LHFPL3: variants seen among roughly 807,000 people sequenced by gnomAD.
LHFPL3 encodes LHFPL tetraspan subfamily member 3 protein.
Under a neutral mutation model 19.3 loss-of-function variants are expected in LHFPL3, and 5 were observed. The observed-to-expected ratio is 0.26, with a 90% CI of 0.14 to 0.54. The LOEUF (loss-of-function observed/expected upper bound fraction) is 0.54, where lower values mean the gene tolerates loss of function less well. Ranked by LOEUF, LHFPL3 falls within the 20% of genes least tolerant of loss-of-function variation. LHFPL3 has a pLI of 0.94. For synonymous variants in LHFPL3, 133 were observed against 126.2 expected (o/e 1.05, Z -0.36); for missense variants, 249 against 307.4 (o/e 0.81, Z 1.42).
intron 1 of LHFPL3, among the ~76,000 whole-genome samples, chr7:104,703,720 G>A (rs924013851): frequency 6.6e-6 from 1 of 152,112 alleles, no homozygotes; most frequent in Admixed American, 6.5e-5. Flanking sequence ...TACTTGTTGT[G>A]ATAACTAATA....
chr7:104,859,440 A>T (rs1219523495), intron 2 of LHFPL3, among the ~76,000 whole-genome samples: 1 of 152,096 alleles, frequency 6.6e-6, no homozygotes, highest in Non-Finnish European at 1.5e-5. Flanking sequence ...AGGCTGAGGC[A>T]GGCGGATCAC....
chr7:104,566,867 C>G (rs1428983518), intron 1 of LHFPL3, among the ~76,000 whole-genome samples: 1 of 152,204 alleles, frequency 6.6e-6, no homozygotes, highest in Non-Finnish European at 1.5e-5. Flanking sequence ...AATCTAGGTT[C>G]ATGAGGTACT....
chr7:104,662,230 C>G (rs1441675543), intron 1 of LHFPL3, among the ~76,000 whole-genome samples: 1 of 152,184 alleles, frequency 6.6e-6, no homozygotes, highest in Non-Finnish European at 1.5e-5. Context: ...ATTAATAACT[C>G]TGAGACAAAA....
intron 1 of LHFPL3, among the ~76,000 whole-genome samples, chr7:104,477,660 AC>A (rs1793049501): frequency 6.6e-6 from 1 of 152,220 alleles, no homozygotes; most frequent in Admixed American, 6.5e-5. Context: ...TAGGTATAAT[AC>A]CTGGGTGATG....
chr7:104,842,662 T>C (rs1379234667), intron 2 of LHFPL3, among the ~76,000 whole-genome samples: 1 of 152,246 alleles, frequency 6.6e-6, no homozygotes, highest in Non-Finnish European at 1.5e-5. Context: ...CAAATGCAAG[T>C]TGATAATGCC....
intron 1 of LHFPL3, among the ~76,000 whole-genome samples, chr7:104,398,758 C>T (rs191139297): frequency 2.6e-5 from 4 of 152,266 alleles, no homozygotes; most frequent in Admixed American, 2.0e-4. Context: ...GGACAGCTGC[C>T]GTATCCCGTT....
chr7:104,633,971 C>T (rs943634450), intron 1 of LHFPL3, among the ~76,000 whole-genome samples: 3 of 152,152 alleles, frequency 2.0e-5, no homozygotes, highest in African/African-American at 7.2e-5. Flanking sequence ...TCTTTGGTAG[C>T]GTCAACCACC....
At chr7:104,341,052 C>T (rs950440235) in intron 1 of LHFPL3, among the ~76,000 whole-genome samples, 2 of 152,134 alleles carry the variant, frequency 1.3e-5, no homozygotes, top group African/African-American at 2.4e-5. Context: ...TCACAGTTAT[C>T]GAAAGCAAAA....
At chr7:104,552,261 A>G (rs1794675016) in intron 1 of LHFPL3, among the ~76,000 whole-genome samples, 1 of 152,232 alleles carries the variant, frequency 6.6e-6, no homozygotes, top group Non-Finnish European at 1.5e-5. Context: ...AAACACTGGT[A>G]GCAAGACCAA....
At chr7:104,366,102 G>C (rs140852994) in intron 1 of LHFPL3, among the ~76,000 whole-genome samples, 4 of 152,320 alleles carry the variant, frequency 2.6e-5, no homozygotes, top group African/African-American at 9.6e-5. Context: ...AGAAGAGTTT[G>C]AAGTTTCCTG....
At chr7:104,899,882 C>T (rs373430549) in intron 2 of LHFPL3, among the ~76,000 whole-genome samples, 2 of 152,272 alleles carry the variant, frequency 1.3e-5, no homozygotes, top group African/African-American at 4.8e-5. Flanking sequence ...CAAGCACCTG[C>T]CACCATACCT....
At chr7:104,792,747 C>G (rs1399014262) in intron 2 of LHFPL3, among the ~76,000 whole-genome samples, 1 of 152,188 alleles carries the variant, frequency 6.6e-6, no homozygotes, top group Non-Finnish European at 1.5e-5. Flanking sequence ...AAACTCAATT[C>G]TGCATCTACT....
chr7:104,594,773 T>G (rs562730061), intron 1 of LHFPL3, among the ~76,000 whole-genome samples: 1 of 152,332 alleles, frequency 6.6e-6, no homozygotes, highest in African/African-American at 2.4e-5. Context: ...TTTACTTGTT[T>G]TATTTCATTA....
chr7:104,896,538 A>AGATGAAAT (rs1348044003), intron 2 of LHFPL3, among the ~76,000 whole-genome samples: 4 of 152,220 alleles, frequency 2.6e-5, no homozygotes, highest in African/African-American at 7.2e-5. Context: ...AAGCAACCTA[A>AGATGAAAT]GATGAAATGA....
chr7:104,633,059 G>A (rs1029750031), intron 1 of LHFPL3, among the ~76,000 whole-genome samples: 1 of 152,100 alleles, frequency 6.6e-6, no homozygotes, highest in African/African-American at 2.4e-5. Flanking sequence ...AAGTACAAAG[G>A]GTGATGGTGA....
chr7:104,488,384 T>A (rs1183412120), intron 1 of LHFPL3, among the ~76,000 whole-genome samples: 2 of 152,150 alleles, frequency 1.3e-5, no homozygotes, highest in Non-Finnish European at 2.9e-5. Context: ...ACTGCTCTTT[T>A]CATTGGTTCA....
At chr7:104,548,397 A>C (rs1207135448) in intron 1 of LHFPL3, among the ~76,000 whole-genome samples, 1 of 152,204 alleles carries the variant, frequency 6.6e-6, no homozygotes, top group Admixed American at 6.6e-5. Context: ...GATTTTAAAA[A>C]TTAAATGGGA....
chr7:104,624,416 T>A lies in LHFPL3; in HGVS notation c.446-112259T>A, dbSNP rs1422699430. On this transcript the variant is annotated intron_variant, in intron 1 of 2. Transcript: ENST00000424859. Reference sequence around the variant, plus strand: ...TTCAGTTCTTCTAGTAGTTTGCCACTCAGGCACAAGCCATTTCATCTCCTT... The same window carrying A: ...TTCAGTTCTTCTAGTAGTTTGCCACACAGGCACAAGCCATTTCATCTCCTT... Among the ~76,000 whole-genome samples the A allele has an allele frequency of 2.0e-5, 3 of 152,214 alleles. No individual in the cohort carries two copies. The East Asian group carries it at 5.8e-4, about 29-fold the overall frequency.
chr7:104,737,895 G>A (rs188589057), intron 2 of LHFPL3, among the ~76,000 whole-genome samples: 23 of 152,082 alleles, frequency 1.5e-4, no homozygotes, highest in Admixed American at 5.2e-4. Context: ...CTGCTTCAAC[G>A]GGACTCAAAT....
Sources: gnomAD v4.1 joint callset for allele counts (sites outside exome capture counted in the v4.1 genomes callset) on GRCh38, gnomAD v4.1.1 for gene constraint, MANE v1.5 for transcripts, NCBI Gene and HGNC (gene_info 2026-07-23, HGNC 2026-07-21) for gene names.